Variants in EBF4 observed in about 807,000 individuals in gnomAD.
EBF4 encodes the protein EBF transcription factor 4, also known as transcription factor COE4.
In EBF4, 34 loss-of-function variants were observed where a neutral mutation model predicts 67.1. The ratio of observed to expected loss-of-function variants is 0.51; its 90% CI spans 0.39 to 0.67. The LOEUF (loss-of-function observed/expected upper bound fraction) is 0.67, where lower values mean the gene tolerates loss of function less well. EBF4 is among the 30% of genes least tolerant of loss of function. The pLI is 0.00. For synonymous variants in EBF4, 387 were observed against 377.7 expected (o/e 1.02, Z -0.29); for missense variants, 837 against 873.3 (o/e 0.96, Z 0.52).
At position 2,751,844 on chromosome 20, in the gene EBF4, G is replaced by A. The variant is rs2146504989; in HGVS notation, c.1107+56G>A. ...GAGGGTGTCCTGTGGGCAAGGGGGT[G>A]AGGAGGGGCTCCCGAGGGCCCCTTG... On this transcript the variant is annotated intron_variant, in intron 11 of 16. Transcript: ENST00000609451. The surrounding 1 kb of genome is among the most constrained non-coding windows in gnomAD (Gnocchi z 5.2). 1.3e-6 allele frequency: 2 copies of A among 1,540,926 alleles called. No individual in the cohort carries two copies. The highest frequency in any genetic ancestry group is 1.2e-5 in the South Asian group (1 of 83,990).
At chr20:2,699,895 T>C (rs140778749) in intron 1 of EBF4, among the ~76,000 whole-genome samples, 239 of 152,344 alleles carry the variant, frequency 1.6e-3, no homozygotes, top group Non-Finnish European at 2.7e-3. Flanking sequence ...GGCCTCTGAA[T>C]GGCTGGCAGT....
upstream of EBF4, among the ~76,000 whole-genome samples, chr20:2,693,396 C>A (rs1158314800): frequency 6.6e-6 from 1 of 151,632 alleles, no homozygotes; most frequent in Non-Finnish European, 1.5e-5. The surrounding 1 kb of genome is among the most constrained non-coding windows in gnomAD (Gnocchi z 4.6). Context: ...CGCCCGCCAG[C>A]GCTCAGGCCG....
chr20:2,717,603 A>G (rs1254309891), intron 6 of EBF4, among the ~76,000 whole-genome samples: 3 of 152,090 alleles, frequency 2.0e-5, no homozygotes, highest in Admixed American at 6.5e-5. Flanking sequence ...CTTTGTTTAT[A>G]TTATAGAGAA....
At chr20:2,725,416 T>A (rs1308310272) in intron 6 of EBF4, among the ~76,000 whole-genome samples, 1 of 152,218 alleles carries the variant, frequency 6.6e-6, no homozygotes, top group African/African-American at 2.4e-5. Context: ...TTGCAATATG[T>A]CTAGTTATTT....
At chr20:2,723,553 G>T (rs570108335) in intron 6 of EBF4, among the ~76,000 whole-genome samples, 3 of 152,130 alleles carry the variant, frequency 2.0e-5, no homozygotes, top group Admixed American at 2.0e-4. Context: ...GTTTCACCGT[G>T]TTAGCCAGGA....
At chr20:2,752,499 G>A (rs2088171056) in exon 14 of EBF4, 8 of 1,258,532 alleles carry the variant, frequency 6.4e-6, no homozygotes, top group Non-Finnish European at 8.0e-6. Flanking sequence ...GCGTGCCTGG[G>A]TCCCCCAGCT....
intron 6 of EBF4, among the ~76,000 whole-genome samples, chr20:2,719,986 A>G (rs1193544553): frequency 1.3e-5 from 2 of 152,210 alleles, no homozygotes; most frequent in Non-Finnish European, 2.9e-5. Context: ...GGGTATTAAA[A>G]TCACTGACCA....
chr20:2,712,324 AG>A (rs1312168686), intron 6 of EBF4, among the ~76,000 whole-genome samples: 2 of 152,206 alleles, frequency 1.3e-5, no homozygotes, highest in African/African-American at 4.8e-5. Flanking sequence ...GGGATGCTAT[AG>A]GGGAGGTTGT....
intron 4 of EBF4, 32 bp downstream of exon 4, chr20:2,706,296 C>G: frequency 1.3e-6 from 2 of 1,551,450 alleles, no homozygotes; most frequent in African/African-American, 2.7e-5. Context: ...TGAGGCCCAT[C>G]TCACTCTCTT....
chr20:2,723,936 C>T (rs1485994628), intron 6 of EBF4, among the ~76,000 whole-genome samples: 1 of 152,146 alleles, frequency 6.6e-6, no homozygotes, highest in African/African-American at 2.4e-5. Flanking sequence ...TTTCTTATCT[C>T]ATTTTCTCTT....
rs2088252112 is a variant in EBF4 at position 2,756,841 on chromosome 20, A to C, written c.1738+1017A>C. ...CAGTGTTGAAATTACGTAAGTGGCT[A>C]CTGAAGAATTTGTCAGAGCCTTTCA... On this transcript the variant is annotated intron_variant, in intron 15 of 16. Transcript: ENST00000609451. This position sits in a 1 kb window ranked among gnomAD's most constrained non-coding sequence, Gnocchi z 4.5. Among the ~76,000 whole-genome samples the C allele has an allele frequency of 6.6e-6, 1 of 152,360 alleles. No individual in the cohort carries two copies. Among genetic ancestry groups the C allele is most frequent in the African/African-American group, 2.4e-5 (1 of 41,588 alleles).
intron 1 of EBF4, among the ~76,000 whole-genome samples, chr20:2,695,749 T>C (rs1165650425): frequency 6.6e-6 from 1 of 152,196 alleles, no homozygotes; most frequent in African/African-American, 2.4e-5. Flanking sequence ...ACAGCAACAA[T>C]GAAAATTCCT....
chr20:2,755,950 G>T lies in EBF4; in HGVS notation c.1738+126G>T. ...TGCTGGCTAACCTGCTCTTCTTGGA[G>T]GACGGAGAGCAGGGAGCTCTGCTGG... On this transcript the variant is annotated intron_variant, in intron 15 of 16. Coordinates refer to ENST00000609451, the Ensembl canonical transcript of EBF4. This position sits in a 1 kb window ranked among gnomAD's most constrained non-coding sequence, Gnocchi z 4.7. The T allele has an allele frequency of 9.9e-7, 1 of 1,008,640 alleles. No individual in the cohort carries two copies. The highest frequency in any genetic ancestry group is 1.4e-6 in the Non-Finnish European group (1 of 706,576). 62.5% of individuals were successfully genotyped at this position (1,008,640 alleles called of 1,614,324 possible).
intron 7 of EBF4, 127 bp from the exon 8 acceptor site, chr20:2,749,274 C>T (rs1407967095): frequency 7.3e-6 from 5 of 681,338 alleles, no homozygotes; most frequent in Non-Finnish European, 1.2e-5. Flanking sequence ...TGAAGCCCTC[C>T]TCCTCCCACC....
exon 9 of EBF4, chr20:2,749,685 A>G (rs1169117418): frequency 5.7e-6 from 9 of 1,566,188 alleles, no homozygotes; most frequent in Non-Finnish European, 6.9e-6. Context: ...CGCCACCGTC[A>G]TTGTCATCGG....
rs1447552303 is a variant in EBF4 at position 2,739,589 on chromosome 20, A to C, written c.558-8960A>C. Among the ~76,000 whole-genome samples the C allele has an allele frequency of 6.6e-6, 1 of 152,168 alleles. No homozygotes were observed. The highest frequency in any genetic ancestry group is 2.4e-5 in the African/African-American group (1 of 41,438). ...CCTAACACATAGAAGGTATTTAATA[A>C]ATCTTTTTAAGTGGGTGTATGGAAT... On this transcript the variant is annotated intron_variant, in intron 6 of 16. Coordinates refer to ENST00000609451, the Ensembl canonical transcript of EBF4. This position sits in a 1 kb window ranked among gnomAD's most constrained non-coding sequence, Gnocchi z 4.5.
exon 10 of EBF4, chr20:2,749,943 A>C: frequency 6.4e-7 from 1 of 1,551,198 alleles, no homozygotes; most frequent in Non-Finnish European, 8.7e-7. Context: ...GCAGTTTTGC[A>C]AGGGATGCCC....
intron 10 of EBF4, among the ~76,000 whole-genome samples, chr20:2,750,668 G>A (rs1380833310): frequency 2.0e-5 from 3 of 152,188 alleles, no homozygotes; most frequent in African/African-American, 7.2e-5. Flanking sequence ...ACTCGGTAGT[G>A]ACCCTACTTA....
rs1032142772 is a variant in EBF4, at chr20:2,705,569, T to A, written c.138-8T>A. The A allele has an allele frequency of 6.4e-7, 1 of 1,551,750 alleles. No individual in the cohort carries two copies. The highest frequency in any genetic ancestry group is 8.7e-7 in the Non-Finnish European group (1 of 1,147,024). On this transcript the variant is annotated splice_region_variant and splice_polypyrimidine_tract_variant and intron_variant, in intron 1 of 16. Transcript: ENST00000609451. ...TCCAGTGGTTTTCCAGCTCTTTTCC[T>A]CCCACAGTGGCGTGGGTCTGGCACG...
Sources: allele counts gnomAD v4.1 joint callset (sites outside exome capture counted in the v4.1 genomes callset), GRCh38; gene constraint gnomAD v4.1.1; non-coding constraint Gnocchi (gnomAD v3.1); transcripts MANE v1.5; gene names NCBI Gene and HGNC (gene_info 2026-07-23, HGNC 2026-07-21).